Variants in NSG1 observed in about 807,000 individuals in gnomAD.
NSG1 encodes the protein neuronal vesicle trafficking-associated protein 1.
A neutral mutation model predicts 19.3 loss-of-function variants in NSG1; 9 were observed. The observed-to-expected ratio is 0.47, with a 90% CI of 0.28 to 0.81. The LOEUF (loss-of-function observed/expected upper bound fraction) is 0.81, where lower values mean the gene tolerates loss of function less well. NSG1 is among the 40% of genes least tolerant of loss of function. NSG1 has a pLI of 0.11. For missense variants in NSG1, 236 were observed against 242.4 expected, an observed-to-expected ratio of 0.97 and a Z score of 0.18; for synonymous variants, 104 against 107.0, an observed-to-expected ratio of 0.97 and a Z score of 0.17.
chr4:4,397,697 G>A (rs1723328420), intron 3 of NSG1, among the ~76,000 whole-genome samples: 1 of 152,222 alleles, frequency 6.6e-6, no homozygotes, highest in Non-Finnish European at 1.5e-5. Flanking sequence ...GATTGGCCAG[G>A]ATGCTGGGTG....
chr4:4,412,654 G>A (rs1158285834), intron 4 of NSG1, among the ~76,000 whole-genome samples: 2 of 152,178 alleles, frequency 1.3e-5, no homozygotes, highest in Non-Finnish European at 2.9e-5. Flanking sequence ...ACCAACGCTA[G>A]GCAGCTTGTG....
chr4:4,417,456 C>T lies in NSG1; in HGVS notation c.*21C>T, dbSNP rs770772724. 2 of 1,605,338 alleles carry T rather than the reference C, an allele frequency of 1.2e-6. No homozygotes were observed. Among genetic ancestry groups the T allele is most frequent in the Non-Finnish European group, 1.7e-6 (2 of 1,172,226 alleles). On this transcript the variant is annotated 3_prime_UTR_variant, in exon 5 of 5. Transcript: ENST00000621129. Reference sequence around the variant, plus strand: ...CTTAGCGGGATGGGCAAGTTCCTTACAATGTGTCACTTGCAAATAACAAAG... The same window carrying T: ...CTTAGCGGGATGGGCAAGTTCCTTATAATGTGTCACTTGCAAATAACAAAG...
In NSG1 at chr4:4,417,638, A is replaced by C. The variant is rs1724652300; in HGVS notation, c.*203A>C. 1 of 582,524 alleles carries C rather than the reference A, an allele frequency of 1.7e-6. No individual in the cohort carries two copies. Among genetic ancestry groups the C allele is most frequent in the Non-Finnish European group, 3.0e-6 (1 of 328,580 alleles). 36.1% of individuals were successfully genotyped at this position (582,524 alleles called of 1,614,324 possible). The stretch of plus-strand genomic sequence containing the variant: ...ATCAAGTGCATTTCAGCATTGCCTA[A>C]AGAGCTCTGACACCACTTTTCATGT... On this transcript the variant is annotated 3_prime_UTR_variant, in exon 5 of 5. Coordinates refer to ENST00000621129, the MANE Select transcript of NSG1 (RefSeq NM_014392.5).
At chr4:4,394,418 C>T (rs547869110) in intron 3 of NSG1, among the ~76,000 whole-genome samples, 25 of 152,252 alleles carry the variant, frequency 1.6e-4, no homozygotes, top group African/African-American at 4.8e-4. Flanking sequence ...CTGGTTTCCA[C>T]GCTCCCTTCC....
chr4:4,400,330 T>G (rs1326475766), intron 3 of NSG1, among the ~76,000 whole-genome samples: 1 of 152,228 alleles, frequency 6.6e-6, no homozygotes, highest in Non-Finnish European at 1.5e-5. Context: ...TATCTCGTCT[T>G]ATGCTAATAC....
chr4:4,392,406 G>A (rs1340631152), intron 3 of NSG1, among the ~76,000 whole-genome samples: 1 of 152,240 alleles, frequency 6.6e-6, no homozygotes, highest in African/African-American at 2.4e-5. Flanking sequence ...GCCTTGCAGA[G>A]TGGCCCTGTC....
At chr4:4,401,879 TATG>T (rs993070573) in intron 3 of NSG1, among the ~76,000 whole-genome samples, 1 of 152,094 alleles carries the variant, frequency 6.6e-6, no homozygotes, top group South Asian at 2.1e-4. Context: ...CCAGTGTCAG[TATG>T]ATGATGATGA....
chr4:4,411,786 A>AAC lies in NSG1; in HGVS notation c.357+2105_357+2106dup, dbSNP rs150776834. On this transcript the variant is annotated intron_variant, in intron 4 of 4. Transcript: ENST00000621129. The stretch of plus-strand genomic sequence containing the variant: ...AACAAAACAAAACAAAACAAAACAA[A>AAC]ACAAAACATTGCCTTCTTCCAGAAT... Among the ~76,000 whole-genome samples, 111 of 142,048 alleles carry AAC rather than the reference A, an allele frequency of 7.8e-4. 1 individual carries two copies. The highest frequency in any genetic ancestry group is 2.5e-3 in the African/African-American group (93 of 37,662). The allele number at this position is 142,048 out of a possible 152,430, so 93.2% of individuals were successfully genotyped here. A position where few individuals can be genotyped will look rare whatever the true frequency, so the allele number is the denominator to read the frequency against.
Position 4,404,272 on chromosome 4 carries a change from C to T in NSG1, c.247-5301C>T, listed in dbSNP as rs539858102. Reference sequence around the variant, plus strand: ...AATTGGACGGTCTCCAGCTTCTGCCCAGCATGGAGCCTGCAACATTGTGTG... The same window carrying T: ...AATTGGACGGTCTCCAGCTTCTGCCTAGCATGGAGCCTGCAACATTGTGTG... On this transcript the variant is annotated intron_variant, in intron 3 of 4. Transcript: ENST00000621129. Among the ~76,000 whole-genome samples the T allele has an allele frequency of 1.4e-4, 21 of 152,356 alleles. No homozygotes were observed. In the East Asian group the frequency reaches 1.7e-3, roughly 13 times the overall value.
intron 3 of NSG1, among the ~76,000 whole-genome samples, chr4:4,404,140 T>C (rs760894773): frequency 4.6e-5 from 7 of 152,252 alleles, no homozygotes; most frequent in Non-Finnish European, 1.0e-4. Flanking sequence ...CCTCTCTTTT[T>C]GCATAGCCAA....
intron 3 of NSG1, among the ~76,000 whole-genome samples, chr4:4,396,831 C>T (rs1018574087): frequency 2.6e-4 from 40 of 151,168 alleles, no homozygotes; most frequent in African/African-American, 7.5e-4. Flanking sequence ...AGAGTGATGC[C>T]GTTTCCTTGG....
rs1455179900 is a variant in NSG1 at position 4,409,652 on chromosome 4, A to T, written c.326A>T (p.Asp109Val). ...GTTGTCTACAAGGTGTACAAGTATG[A>T]CCGCGCCTGCCCCGATGGGTTCGTC... ...FLVVYKVYKY[D>V]RACPDGFVLK... Residue 109 changes from aspartate to valine, a missense_variant, in exon 4 of 5, where the codon GAC becomes GTC. Physicochemically the swap from Asp to Val is radical, Grantham distance 152. Transcript: ENST00000621129. The T allele has an allele frequency of 6.2e-7, 1 of 1,614,060 alleles. No individual in the cohort carries two copies. Among genetic ancestry groups the T allele is most frequent in the Non-Finnish European group, 8.5e-7 (1 of 1,180,000 alleles).
intron 3 of NSG1, among the ~76,000 whole-genome samples, chr4:4,405,769 T>C (rs1023015779): frequency 2.0e-5 from 3 of 152,130 alleles, no homozygotes; most frequent in African/African-American, 7.2e-5. Context: ...TTTGCCCTTC[T>C]CCCCTTGACT....
At chr4:4,416,182 A>T in intron 4 of NSG1, 2 of 702,176 alleles carry the variant, frequency 2.8e-6, no homozygotes, top group Non-Finnish European at 2.6e-6. Context: ...GAGAGAGAAA[A>T]CACTCCGCAC....
At chr4:4,414,017 C>T (rs961277423) in intron 4 of NSG1, among the ~76,000 whole-genome samples, 2 of 152,118 alleles carry the variant, frequency 1.3e-5, no homozygotes, top group African/African-American at 4.8e-5. Context: ...CAGAGGACAG[C>T]TTCCTGGGGG....
At position 4,387,759 on chromosome 4, in the gene NSG1, G is replaced by A. The variant is rs777274742; in HGVS notation, c.129+1G>A. 2 of 1,604,274 alleles carry A rather than the reference G, an allele frequency of 1.2e-6. No individual in the cohort carries two copies. Among genetic ancestry groups the A allele is most frequent in the African/African-American group, 2.7e-5 (2 of 74,670 alleles). ...GCTGCAGTTCCCGCCCCCGGATAAG[G>A]TAAGCCCCCCCACGCCCCTCCACGT... is the stretch of plus-strand genomic sequence containing the variant. On this transcript the variant is annotated splice_donor_variant, in intron 2 of 4. Transcript: ENST00000621129. LOFTEE classifies it high-confidence loss of function.
intron 3 of NSG1, among the ~76,000 whole-genome samples, chr4:4,402,666 G>T (rs113154931): frequency 4.7e-4 from 71 of 152,328 alleles, no homozygotes; most frequent in African/African-American, 1.6e-3. Context: ...GGAATGACAG[G>T]CCTGAGCCAT....
chr4:4,414,073 A>C (rs1264231907), intron 4 of NSG1, among the ~76,000 whole-genome samples: 1 of 152,086 alleles, frequency 6.6e-6, no homozygotes, highest in African/African-American at 2.4e-5. Context: ...AACTGAGGCC[A>C]GTGGCTTCAC....
chr4:4,410,726 T>C (rs1724130772), intron 4 of NSG1, among the ~76,000 whole-genome samples: 1 of 152,084 alleles, frequency 6.6e-6, no homozygotes, highest in Admixed American at 6.5e-5. Context: ...GGTGAGTGAA[T>C]GCGAAGGCCG....
Sources: allele counts gnomAD v4.1 joint callset (sites outside exome capture counted in the v4.1 genomes callset), GRCh38; gene constraint gnomAD v4.1.1; transcripts MANE v1.5; gene names NCBI Gene and HGNC (gene_info 2026-07-23, HGNC 2026-07-21).